The following MPPED2 variants were observed in gnomAD, a reference collection of about 807,000 sequenced individuals.
MPPED2 encodes metallophosphoesterase domain containing 2.
A neutral mutation model predicts 33.0 loss-of-function variants in MPPED2; 5 were observed. That is an observed-to-expected ratio of 0.15 (90% CI 0.08 to 0.32). MPPED2 has a LOEUF of 0.32. Among genes scored for constraint, MPPED2 ranks in the 10% least tolerant of loss-of-function variants. MPPED2 has a pLI of 1.00. For missense variants in MPPED2, 275 were observed against 372.1 expected, an observed-to-expected ratio of 0.74 and a Z score of 2.15; for synonymous variants, 136 against 141.9, an observed-to-expected ratio of 0.96 and a Z score of 0.29.
chr11:30,419,763 T>C (rs73465839), intron 4 of MPPED2, among the ~76,000 whole-genome samples: 2 of 152,258 alleles, frequency 1.3e-5, no homozygotes, highest in African/African-American at 2.4e-5. Context: ...TTAAGACTTA[T>C]ATGAGCCTGG....
chr11:30,525,996 G>A (rs1276546110), intron 3 of MPPED2, among the ~76,000 whole-genome samples: 1 of 152,068 alleles, frequency 6.6e-6, no homozygotes, highest in East Asian at 1.9e-4. Flanking sequence ...CTGTGTTTGG[G>A]TTCATTATTT....
At chr11:30,387,421 A>G (rs1202263108) in exon 7 of MPPED2, 1 of 152,156 alleles carries the variant, frequency 6.6e-6, no homozygotes, top group Non-Finnish European at 1.5e-5. Context: ...TTATTGATAA[A>G]TTCCTACTCT....
intron 4 of MPPED2, among the ~76,000 whole-genome samples, chr11:30,471,525 T>C (rs993974872): frequency 6.6e-6 from 1 of 152,230 alleles, no homozygotes; most frequent in Non-Finnish European, 1.5e-5. Context: ...TCAGTCTTCC[T>C]GAAGCTTGTC....
rs144492010 is a variant in MPPED2 at position 30,547,966 on chromosome 11, C to G, written c.129-11791G>C. ...TCAATGTGACCACAAATTATATATA[C>G]CTATGTACATACTGGGGAGGGAGAA... On this transcript the variant is annotated intron_variant, in intron 2 of 6. Transcript: ENST00000358117. 1.2e-4 allele frequency among the ~76,000 whole-genome samples: 18 copies of G among 152,214 alleles called. No homozygotes were observed. In the East Asian group the frequency reaches 3.5e-3, roughly 29 times the overall value.
At chr11:30,465,591 C>T (rs776145391) in intron 4 of MPPED2, among the ~76,000 whole-genome samples, 5 of 152,230 alleles carry the variant, frequency 3.3e-5, no homozygotes, top group Non-Finnish European at 7.3e-5. Context: ...CCACCATGCC[C>T]AGCCTAGCCT....
chr11:30,584,881 C>T (rs1957387841), intron 1 of MPPED2: 1 of 152,252 alleles, frequency 6.6e-6, no homozygotes, highest in Admixed American at 6.5e-5. Context: ...TCTTTTTTCA[C>T]TTAAACTTTT....
intron 4 of MPPED2, chr11:30,428,841 A>C (rs1948956025): frequency 6.6e-6 from 1 of 152,210 alleles, no homozygotes; most frequent in African/African-American, 2.4e-5. Flanking sequence ...GGTGACTCTT[A>C]TCATCATCAT....
intron 4 of MPPED2, among the ~76,000 whole-genome samples, chr11:30,478,978 G>A (rs1214308824): frequency 6.6e-6 from 1 of 152,096 alleles, no homozygotes; most frequent in Non-Finnish European, 1.5e-5. Flanking sequence ...TTGAACTCAA[G>A]AATATTGAAG....
intron 2 of MPPED2, among the ~76,000 whole-genome samples, chr11:30,546,841 A>C (rs1376059162): frequency 6.6e-6 from 1 of 152,230 alleles, no homozygotes; most frequent in African/African-American, 2.4e-5. Context: ...TCAATACAAT[A>C]ATTATTAGAC....
chr11:30,406,533 A>G (rs1243156865), downstream of MPPED2, among the ~76,000 whole-genome samples: 1 of 152,150 alleles, frequency 6.6e-6, no homozygotes, highest in Non-Finnish European at 1.5e-5. Flanking sequence ...TAAGAGGAGG[A>G]AGGTAGAGGG....
intron 3 of MPPED2, among the ~76,000 whole-genome samples, chr11:30,533,132 AG>A (rs1290980155): frequency 2.6e-5 from 4 of 152,182 alleles, no homozygotes; most frequent in African/African-American, 9.7e-5. Context: ...ACAAAGGAAA[AG>A]GGCTCACACT....
At chr11:30,424,903 CAGGGCA>C (rs1222341031) in intron 4 of MPPED2, among the ~76,000 whole-genome samples, 1 of 152,160 alleles carries the variant, frequency 6.6e-6, no homozygotes, top group Non-Finnish European at 1.5e-5. Context: ...AACTTAACAT[CAGGGCA>C]AGATTTCCAC....
intron 2 of MPPED2, among the ~76,000 whole-genome samples, chr11:30,568,880 G>T (rs1956567296): frequency 6.6e-6 from 1 of 152,050 alleles, no homozygotes; most frequent in East Asian, 1.9e-4. Flanking sequence ...GAAAAACCAG[G>T]GCACTTGATT....
chr11:30,411,726 G>A, intron 6 of MPPED2, 140 bp from the exon 7 acceptor site: 1 of 498,726 alleles, frequency 2.0e-6, no homozygotes, highest in Non-Finnish European at 3.4e-6. Flanking sequence ...CAGATATAAT[G>A]ACTTTCAGAA....
At chr11:30,405,299 C>T (rs949457409), downstream of MPPED2, among the ~76,000 whole-genome samples, 1 of 152,184 alleles carries the variant, frequency 6.6e-6, no homozygotes, top group Non-Finnish European at 1.5e-5. Context: ...TATGAAATCA[C>T]AGGCCCTTTC....
At chr11:30,396,048 G>A (rs1947836420) in intron 6 of MPPED2, among the ~76,000 whole-genome samples, 1 of 152,124 alleles carries the variant, frequency 6.6e-6, no homozygotes, top group Admixed American at 6.5e-5. Flanking sequence ...TTGCTTTTAA[G>A]GACAACGCAT....
At chr11:30,425,834 G>A (rs1948814093) in intron 4 of MPPED2, among the ~76,000 whole-genome samples, 1 of 152,168 alleles carries the variant, frequency 6.6e-6, no homozygotes, top group Admixed American at 6.5e-5. Context: ...ATTCTTCAAA[G>A]AGGAATCTCA....
At chr11:30,574,255 T>C (rs1310299252) in intron 2 of MPPED2, among the ~76,000 whole-genome samples, 1 of 152,190 alleles carries the variant, frequency 6.6e-6, no homozygotes, top group Non-Finnish European at 1.5e-5. Flanking sequence ...CTACCTTTCT[T>C]ATACCTTTTC....
intron 3 of MPPED2, among the ~76,000 whole-genome samples, chr11:30,519,648 G>A (rs1398894920): frequency 6.6e-6 from 1 of 151,866 alleles, no homozygotes; most frequent in Non-Finnish European, 1.5e-5. Context: ...TATGAATAAT[G>A]GATTCACAAA....
Sources: allele counts gnomAD v4.1 joint callset (sites outside exome capture counted in the v4.1 genomes callset), GRCh38; gene constraint gnomAD v4.1.1; transcripts MANE v1.5; gene names NCBI Gene and HGNC (gene_info 2026-07-23, HGNC 2026-07-21).